CACNA2D3: variants seen among roughly 807,000 people sequenced by gnomAD.
CACNA2D3 encodes the protein calcium voltage-gated channel auxiliary subunit alpha2delta 3, also known as voltage-dependent calcium channel subunit alpha-2/delta-3.
CACNA2D3 carries 60 observed loss-of-function variants against 160.6 expected under a neutral mutation model. The ratio of observed to expected loss-of-function variants is 0.37; its 90% CI spans 0.30 to 0.46. The LOEUF (loss-of-function observed/expected upper bound fraction) is 0.46, where lower values mean the gene tolerates loss of function less well. Ranked by LOEUF, CACNA2D3 falls within the 20% of genes least tolerant of loss-of-function variation. The probability of loss-of-function intolerance (pLI) is 1.00; values close to 1 mark genes in which losing one functional copy is unlikely to be tolerated. For missense variants in CACNA2D3, 1,205 were observed against 1,365.0 expected (o/e 0.88, Z 1.85); for synonymous variants, 558 against 492.9 (o/e 1.13, Z -1.75).
intron 11 of CACNA2D3, among the ~76,000 whole-genome samples, chr3:54,732,526 A>G (rs146583165): frequency 6.6e-6 from 1 of 152,312 alleles, no homozygotes; most frequent in Non-Finnish European, 1.5e-5. Context: ...ACATTTAAAT[A>G]AAATCTCTTC....
At chr3:55,008,914 CACACACACACAG>C (rs2107144204) in intron 33 of CACNA2D3, among the ~76,000 whole-genome samples, 1 of 151,818 alleles carries the variant, frequency 6.6e-6, no homozygotes, top group African/African-American at 2.4e-5. Context: ...CACACACACA[CACACACACACAG>C]GGGGCTTAAA....
chr3:55,069,904 G>T (rs1203975055), intron 35 of CACNA2D3, among the ~76,000 whole-genome samples: 1 of 152,200 alleles, frequency 6.6e-6, no homozygotes, highest in Non-Finnish European at 1.5e-5. Flanking sequence ...AGGTTATAAT[G>T]ATACTTTGTG....
chr3:54,815,012 T>C (rs754762910), intron 13 of CACNA2D3, among the ~76,000 whole-genome samples: 1 of 152,260 alleles, frequency 6.6e-6, no homozygotes, highest in South Asian at 2.1e-4. Context: ...TTCCACAATG[T>C]TCATGTATCC....
At position 54,562,857 on chromosome 3, in the gene CACNA2D3, A is replaced by G. The variant is rs779604401; in HGVS notation, c.602A>G (p.Asp201Gly). ...GAATCTCTAAACAAAGTTTTTGTAG[A>G]TAACTTTGACCGTGACCCATCTCTC... ...WSESLNKVFV[D>G]NFDRDPSLIW... Residue 201 changes from aspartate to glycine, a missense_variant, in exon 6 of 38, where the codon GAT (aspartate) becomes GGT (glycine). Coordinates refer to ENST00000474759, the MANE Select transcript of CACNA2D3 (RefSeq NM_018398.3). 4.3e-6 allele frequency: 7 copies of G among 1,613,512 alleles called. No homozygotes were observed. Among genetic ancestry groups the G allele is most frequent in the East Asian group, 2.2e-5 (1 of 44,868 alleles).
intron 35 of CACNA2D3, among the ~76,000 whole-genome samples, chr3:55,033,126 G>A (rs1703715476): frequency 6.6e-6 from 1 of 151,902 alleles, no homozygotes; most frequent in African/African-American, 2.4e-5. Flanking sequence ...GAAGGGAGGG[G>A]GCTTGCCTGA....
intron 3 of CACNA2D3, among the ~76,000 whole-genome samples, chr3:54,386,362 A>T (rs920028580): frequency 1.3e-5 from 2 of 152,200 alleles, no homozygotes; most frequent in Non-Finnish European, 1.5e-5. Context: ...ATAAATCTTG[A>T]CTAAGGGCGT....
intron 2 of CACNA2D3, among the ~76,000 whole-genome samples, chr3:54,157,493 A>G (rs9883488): frequency 0.51 from 77,794 of 152,054 alleles, 20,565 homozygotes; most frequent in African/African-American, 0.65. Flanking sequence ...TGGTGGGAAC[A>G]TAAAGAAGAA....
intron 35 of CACNA2D3, among the ~76,000 whole-genome samples, chr3:55,028,768 G>A (rs953641343): frequency 6.6e-6 from 1 of 151,978 alleles, no homozygotes; most frequent in Admixed American, 6.6e-5. Flanking sequence ...TTGTTTTTTA[G>A]TGTGTGCTTT....
At chr3:54,201,986 G>A (rs542665802) in intron 2 of CACNA2D3, among the ~76,000 whole-genome samples, 1 of 152,032 alleles carries the variant, frequency 6.6e-6, no homozygotes, top group Non-Finnish European at 1.5e-5. Context: ...AAACTATGGG[G>A]CACTCAGTTA....
At chr3:54,311,489 A>G (rs1041175031) in intron 2 of CACNA2D3, among the ~76,000 whole-genome samples, 6 of 152,090 alleles carry the variant, frequency 3.9e-5, no homozygotes, top group African/African-American at 1.4e-4. Flanking sequence ...ATCATTTTAC[A>G]TCCCGTGATC....
rs1364825473 is a variant in CACNA2D3 at position 54,549,954 on chromosome 3, T to C, written c.545-12846T>C. 3.9e-5 allele frequency among the ~76,000 whole-genome samples: 6 copies of C among 152,208 alleles called. 1 individual carries two copies. The highest frequency in any genetic ancestry group is 6.5e-5 in the Admixed American group (1 of 15,276). On this transcript the variant is annotated intron_variant, in intron 5 of 37. Coordinates refer to ENST00000474759, the MANE Select transcript of CACNA2D3 (RefSeq NM_018398.3). The stretch of plus-strand genomic sequence containing the variant: ...CCGAAAGGTTAAAATGAGAAGAGAC[T>C]TCCCTGAGTGAATATCAGGAATCGG...
chr3:54,729,377 A>G (rs1448676778), intron 11 of CACNA2D3, among the ~76,000 whole-genome samples: 2 of 152,206 alleles, frequency 1.3e-5, no homozygotes, highest in Non-Finnish European at 2.9e-5. Flanking sequence ...ACCTTAATAG[A>G]TAGATGTTCT....
chr3:54,210,741 T>C (rs1481749509), intron 2 of CACNA2D3, among the ~76,000 whole-genome samples: 1 of 152,126 alleles, frequency 6.6e-6, no homozygotes, highest in East Asian at 1.9e-4. Context: ...CCTTCTGTTG[T>C]TCATTGTTCC....
At chr3:54,261,916 A>AT (rs1559900157) in intron 2 of CACNA2D3, among the ~76,000 whole-genome samples, 1 of 151,510 alleles carries the variant, frequency 6.6e-6, no homozygotes, top group Non-Finnish European at 1.5e-5. Context: ...AATTGCACAG[A>AT]CCCCCCCATG....
chr3:54,620,129 C>G (rs1451553931), intron 9 of CACNA2D3, among the ~76,000 whole-genome samples: 1 of 152,120 alleles, frequency 6.6e-6, no homozygotes, highest in African/African-American at 2.4e-5. Flanking sequence ...ATCTGGAAGT[C>G]TCACTGAGGA....
chr3:54,719,405 C>T (rs1701127188), intron 11 of CACNA2D3, among the ~76,000 whole-genome samples: 1 of 151,690 alleles, frequency 6.6e-6, no homozygotes, highest in Admixed American at 6.6e-5. Flanking sequence ...TGCTTGTGCA[C>T]CTATTAAAAT....
chr3:54,911,351 CT>C (rs58289082), intron 27 of CACNA2D3, among the ~76,000 whole-genome samples: 3,038 of 58,460 alleles, frequency 0.052, 55 homozygotes, highest in Non-Finnish European at 0.07. Flanking sequence ...TCTTTGTCGT[CT>C]TTTTTTTTTT....
chr3:54,664,061 A>G lies in CACNA2D3; in HGVS notation c.1167+21820A>G, dbSNP rs563764698. Among the ~76,000 whole-genome samples, 33 of 152,316 alleles carry G rather than the reference A, an allele frequency of 2.2e-4. 1 individual carries two copies. The South Asian group carries it at 6.8e-3, about 32-fold the overall frequency. Reference sequence around the variant, plus strand: ...AGTGTGGAGAGTGGAAAATCACATTAACTCTTTCATTAACTCCAGCTGTGC... The same window carrying G: ...AGTGTGGAGAGTGGAAAATCACATTGACTCTTTCATTAACTCCAGCTGTGC... On this transcript the variant is annotated intron_variant, in intron 11 of 37. Coordinates refer to ENST00000474759, the MANE Select transcript of CACNA2D3 (RefSeq NM_018398.3).
At chr3:54,821,697 T>TTTCTTTCTTTCTTTCTTTCTTTCCTTCC (rs753240626) in intron 14 of CACNA2D3, among the ~76,000 whole-genome samples, 15 of 84,122 alleles carry the variant, frequency 1.8e-4, no homozygotes, top group Non-Finnish European at 2.8e-4. Flanking sequence ...TCTTTCTTTC[T>TTTCTTTCTTTCTTTCTTTCTTTCCTTCC]TTCCTTCCTT....
Sources: allele counts gnomAD v4.1 joint callset (sites outside exome capture counted in the v4.1 genomes callset), GRCh38; gene constraint gnomAD v4.1.1; transcripts MANE v1.5; gene names NCBI Gene and HGNC (gene_info 2026-07-23, HGNC 2026-07-21).